The following MAGI1 variants were observed in gnomAD, a reference collection of about 807,000 sequenced individuals.
MAGI1 encodes the protein membrane-associated guanylate kinase, WW and PDZ domain-containing protein 1.
A neutral mutation model predicts 139.9 loss-of-function variants in MAGI1; 58 were observed. That is an observed-to-expected ratio of 0.41 (90% confidence interval 0.34 to 0.52). The LOEUF (loss-of-function observed/expected upper bound fraction) is 0.52. Among genes scored for constraint, MAGI1 ranks in the 20% least tolerant of loss-of-function variants. The pLI is 0.12. For missense variants in MAGI1, 1,874 were observed against 1,901.6 expected (o/e 0.99, Z 0.27); for synonymous variants, 812 against 737.9 (o/e 1.10, Z -1.63).
At chr3:65,976,856 C>G (rs571737246) in intron 1 of MAGI1, among the ~76,000 whole-genome samples, 4 of 152,230 alleles carry the variant, frequency 2.6e-5, no homozygotes, top group Non-Finnish European at 4.4e-5. Flanking sequence ...ATTACCTGCC[C>G]TAATTCAAAT....
intron 1 of MAGI1, among the ~76,000 whole-genome samples, chr3:65,798,245 C>T (rs1405949016): frequency 6.6e-6 from 1 of 151,120 alleles, no homozygotes; most frequent in Admixed American, 6.6e-5. Flanking sequence ...CGGAGCTTGC[C>T]GTGAGCCGAG....
intron 1 of MAGI1, among the ~76,000 whole-genome samples, chr3:65,638,600 T>C (rs2084787687): frequency 1.6e-5 from 1 of 63,084 alleles, no homozygotes; most frequent in Non-Finnish European, 2.8e-5. Flanking sequence ...TCTCCTGATT[T>C]TTTTTTTTTT....
At chr3:65,370,372 T>C (rs1019683003) in intron 18 of MAGI1, among the ~76,000 whole-genome samples, 3 of 152,226 alleles carry the variant, frequency 2.0e-5, no homozygotes, top group South Asian at 2.1e-4. Flanking sequence ...CTTATTATCA[T>C]ATCAACCAAA....
chr3:65,591,248 C>G (rs1431955526), intron 2 of MAGI1, among the ~76,000 whole-genome samples: 4 of 152,130 alleles, frequency 2.6e-5, no homozygotes, highest in Non-Finnish European at 2.9e-5. Context: ...CCCACCCCCG[C>G]CTGGTGTCCC....
At chr3:65,611,573 CTATA>C (rs922132110) in intron 2 of MAGI1, among the ~76,000 whole-genome samples, 7 of 135,442 alleles carry the variant, frequency 5.2e-5, no homozygotes, top group South Asian at 2.2e-4. Context: ...ATATATGACA[CTATA>C]TATACTATAC....
intron 1 of MAGI1, among the ~76,000 whole-genome samples, chr3:65,789,537 T>C (rs1257456592): frequency 6.6e-6 from 1 of 152,180 alleles, no homozygotes; most frequent in African/African-American, 2.4e-5. Context: ...CATTTTACAC[T>C]TGAGGCAGAT....
At chr3:65,492,518 A>G (rs1952114497) in intron 3 of MAGI1, among the ~76,000 whole-genome samples, 1 of 152,226 alleles carries the variant, frequency 6.6e-6, no homozygotes, top group African/African-American at 2.4e-5. Context: ...AAAAAGAAGA[A>G]AACCAGAAGT....
chr3:65,762,082 T>C (rs264085), intron 1 of MAGI1, among the ~76,000 whole-genome samples: 152,138 of 152,182 alleles, frequency 1, 76,047 homozygotes, highest in East Asian at 1. Context: ...TTTTTCTTTA[T>C]GGTAACTCAC....
intron 18 of MAGI1, among the ~76,000 whole-genome samples, chr3:65,371,516 T>C (rs1941989962): frequency 1.3e-5 from 2 of 152,206 alleles, no homozygotes; most frequent in African/African-American, 4.8e-5. Context: ...TGCTGACTGA[T>C]CAGGGTGGTG....
rs1027788420 is a variant in MAGI1 at position 65,356,136 on chromosome 3, T to G, written c.*242A>C. 6 of 361,024 alleles carry G rather than the reference T, an allele frequency of 1.7e-5. No individual in the cohort carries two copies. The highest frequency in any genetic ancestry group is 1.1e-4 in the African/African-American group (5 of 47,468). The allele number at this position is 361,024 out of a possible 1,614,324, so 22.4% of individuals were successfully genotyped here. A position where few individuals can be genotyped will look rare whatever the true frequency, so the allele number is the denominator to read the frequency against. ...ATTTATATCCCTTTGGGCCAGCATT[T>G]GGCAAATAATTTCCAAAAAAGTATG... On this transcript the variant is annotated 3_prime_UTR_variant, in exon 23 of 23. Transcript: ENST00000402939.
At chr3:66,028,406 TG>T (rs754650442) in intron 1 of MAGI1, among the ~76,000 whole-genome samples, 16 of 152,172 alleles carry the variant, frequency 1.1e-4, no homozygotes, top group African/African-American at 1.7e-4. Flanking sequence ...CATTTTCAAC[TG>T]GGAGAACTGA....
intron 2 of MAGI1, among the ~76,000 whole-genome samples, chr3:65,507,531 C>T (rs1307083928): frequency 6.6e-6 from 1 of 152,072 alleles, no homozygotes; most frequent in Non-Finnish European, 1.5e-5. Context: ...CTTATGTTTT[C>T]CCCCATAAAT....
At chr3:65,736,872 A>T (rs748585289) in intron 1 of MAGI1, among the ~76,000 whole-genome samples, 6 of 152,224 alleles carry the variant, frequency 3.9e-5, no homozygotes, top group African/African-American at 1.4e-4. Context: ...CTCTTAACCC[A>T]GTCAAGATGA....
intron 1 of MAGI1, among the ~76,000 whole-genome samples, chr3:65,848,157 A>G (rs2059073768): frequency 6.6e-6 from 1 of 152,226 alleles, no homozygotes; most frequent in Non-Finnish European, 1.5e-5. Flanking sequence ...GAAGCATTCC[A>G]CTTTGTCAGA....
chr3:65,982,175 C>T (rs748178476), intron 1 of MAGI1, among the ~76,000 whole-genome samples: 3 of 152,188 alleles, frequency 2.0e-5, no homozygotes, highest in East Asian at 1.9e-4. Context: ...ACCTCTTGGT[C>T]GAGTTCCCTG....
At chr3:65,699,592 T>C (rs1576789953) in intron 1 of MAGI1, among the ~76,000 whole-genome samples, 2 of 147,362 alleles carry the variant, frequency 1.4e-5, no homozygotes, top group East Asian at 2.1e-4. Flanking sequence ...ATGGATGAAA[T>C]TGGAAATCAT....
intron 1 of MAGI1, among the ~76,000 whole-genome samples, chr3:65,856,651 A>G (rs1049622924): frequency 2.0e-5 from 3 of 152,212 alleles, no homozygotes; most frequent in African/African-American, 7.2e-5. Flanking sequence ...TCTCAGATGA[A>G]CAAGTAAGGA....
intron 1 of MAGI1, among the ~76,000 whole-genome samples, chr3:65,691,171 C>T (rs540199359): frequency 5.3e-5 from 8 of 151,844 alleles, no homozygotes; most frequent in South Asian, 2.1e-4. Context: ...GGCGTGGTGG[C>T]GGGCGCCTGT....
chr3:65,499,006 A>G (rs1409384338), intron 2 of MAGI1: 1 of 984,986 alleles, frequency 1.0e-6, no homozygotes, highest in African/African-American at 1.8e-5. Flanking sequence ...AGAACAAGAA[A>G]CATACTTACC....
Sources: allele counts gnomAD v4.1 joint callset (sites outside exome capture counted in the v4.1 genomes callset), GRCh38; gene constraint gnomAD v4.1.1; transcripts MANE v1.5; gene names NCBI Gene and HGNC (gene_info 2026-07-23, HGNC 2026-07-21).